CTNNA2: variants seen among roughly 807,000 people sequenced by gnomAD.
CTNNA2 encodes catenin alpha-2.
In CTNNA2, 42 loss-of-function variants were observed where a neutral mutation model predicts 101.0. That is an observed-to-expected ratio of 0.42 (90% confidence interval 0.32 to 0.54). The LOEUF (loss-of-function observed/expected upper bound fraction) is 0.54, where lower values mean the gene tolerates loss of function less well. CTNNA2 is among the 20% of genes least tolerant of loss of function. The probability of loss-of-function intolerance (pLI) is 0.14; values close to 1 mark genes in which losing one functional copy is unlikely to be tolerated. For missense variants in CTNNA2, 871 were observed against 1,223.1 expected, an observed-to-expected ratio of 0.71 and a Z score of 4.29; for synonymous variants, 450 against 456.4, an observed-to-expected ratio of 0.99 and a Z score of 0.18.
At chr2:79,612,750 C>G (rs1044073682) in intron 1 of CTNNA2, among the ~76,000 whole-genome samples, 1 of 151,918 alleles carries the variant, frequency 6.6e-6, no homozygotes, top group South Asian at 2.1e-4. Context: ...AGAAAAATTA[C>G]CTAGTAATGT....
chr2:80,058,743 C>T lies in CTNNA2; in HGVS notation c.1056+148946C>T, dbSNP rs149388412. On this transcript the variant is annotated intron_variant, in intron 7 of 18. Transcript: ENST00000402739. ...ATCTTCCAACTCAACTCTTTCATTG[C>T]GCAAATGCAACCGCAACCACAGAGG... 7.8e-3 allele frequency among the ~76,000 whole-genome samples: 1,187 copies of T among 152,124 alleles called. 12 individuals carry two copies. The highest frequency in any genetic ancestry group is 0.027 in the African/African-American group (1,124 of 41,474).
intron 7 of CTNNA2, among the ~76,000 whole-genome samples, chr2:80,263,616 G>A (rs771776454): frequency 1.3e-5 from 2 of 152,186 alleles, no homozygotes; most frequent in African/African-American, 4.8e-5. Flanking sequence ...GATTACAGGC[G>A]TGAGCCACTG....
intron 3 of CTNNA2, among the ~76,000 whole-genome samples, chr2:79,340,382 A>G (rs556992758): frequency 6.6e-6 from 1 of 152,334 alleles, no homozygotes; most frequent in Non-Finnish European, 1.5e-5. Context: ...ACCATAGACA[A>G]CAGAGGCTAT....
intron 7 of CTNNA2, among the ~76,000 whole-genome samples, chr2:80,343,407 TAAA>T (rs3040539): frequency 0.013 from 1,583 of 117,514 alleles, 10 homozygotes; most frequent in South Asian, 0.042. Context: ...TGACTTTTGA[TAAA>T]AAAAAAAAAA....
chr2:80,416,612 T>G (rs2149402340), intron 8 of CTNNA2, among the ~76,000 whole-genome samples: 1 of 152,206 alleles, frequency 6.6e-6, no homozygotes, highest in Admixed American at 6.5e-5. Flanking sequence ...ATACTTAAAA[T>G]ATTTTGGTGT....
intron 15 of CTNNA2, among the ~76,000 whole-genome samples, chr2:80,591,480 C>CTTTTTTTTTTTTTTTTAA: frequency 3.0e-5 from 1 of 33,542 alleles, no homozygotes; most frequent in African/African-American, 1.1e-4. Context: ...TTTTTTTTTG[C>CTTTTTTTTTTTTTTTTAA]AAACAGACAG....
At chr2:80,244,532 TAGACTC>T (rs572213030) in intron 7 of CTNNA2, among the ~76,000 whole-genome samples, 80 of 152,290 alleles carry the variant, frequency 5.3e-4, no homozygotes, top group Admixed American at 1.2e-3. Context: ...TGAAGTAACT[TAGACTC>T]AGATGGTCCA....
chr2:80,635,313 A>G (rs1672764006), intron 18 of CTNNA2, among the ~76,000 whole-genome samples: 1 of 152,154 alleles, frequency 6.6e-6, no homozygotes. Context: ...AAGAAGACAG[A>G]AAAAGTTCAA....
intron 4 of CTNNA2, among the ~76,000 whole-genome samples, chr2:79,471,013 A>C (rs559411989): frequency 6.6e-6 from 1 of 152,344 alleles, no homozygotes; most frequent in South Asian, 2.1e-4. Context: ...ATGATATCAC[A>C]GAATTTTGTT....
At chr2:80,389,527 C>T (rs927805472) in intron 7 of CTNNA2, among the ~76,000 whole-genome samples, 1 of 152,110 alleles carries the variant, frequency 6.6e-6, no homozygotes, top group African/African-American at 2.4e-5. Context: ...CTCTCTGTCT[C>T]ACTCTCAGTA....
At chr2:79,215,033 G>C (rs12475432) in intron 2 of CTNNA2, among the ~76,000 whole-genome samples, 112,729 of 151,704 alleles carry the variant, frequency 0.74, 42,357 homozygotes, top group East Asian at 0.83. Context: ...CTCGGCGTCC[G>C]TGATGGTCTA....
At chr2:79,303,078 G>C (rs938937204) in intron 2 of CTNNA2, among the ~76,000 whole-genome samples, 2 of 152,148 alleles carry the variant, frequency 1.3e-5, no homozygotes, top group African/African-American at 4.8e-5. Context: ...GACTGCAGGA[G>C]ACAGGCATTG....
intron 4 of CTNNA2, among the ~76,000 whole-genome samples, chr2:79,498,633 A>G (rs1194400426): frequency 6.6e-6 from 1 of 152,152 alleles, no homozygotes; most frequent in Non-Finnish European, 1.5e-5. Context: ...CATAACTTTC[A>G]TAATTACCCC....
chr2:79,999,349 C>T (rs1692769190), intron 7 of CTNNA2, among the ~76,000 whole-genome samples: 1 of 152,174 alleles, frequency 6.6e-6, no homozygotes. Context: ...TAGTTGTTTC[C>T]TTACAAAGCA....
chr2:79,510,536 T>C (rs1671513570), upstream of CTNNA2, among the ~76,000 whole-genome samples: 1 of 152,208 alleles, frequency 6.6e-6, no homozygotes, highest in Non-Finnish European at 1.5e-5. Context: ...GGTTCCCCTT[T>C]ATTCAAAACA....
intron 9 of CTNNA2, among the ~76,000 whole-genome samples, chr2:80,457,994 T>C (rs1684122705): frequency 6.6e-6 from 1 of 152,198 alleles, no homozygotes; most frequent in South Asian, 2.1e-4. Flanking sequence ...TCCTTCACCC[T>C]TGCTGCTTCC....
At chr2:80,015,630 C>T (rs372978362) in intron 7 of CTNNA2, among the ~76,000 whole-genome samples, 17 of 152,186 alleles carry the variant, frequency 1.1e-4, no homozygotes, top group East Asian at 5.8e-4. Flanking sequence ...CCCCCTCCAC[C>T]GGCTAGGTGA....
At chr2:80,137,735 T>TA (rs1491587506) in intron 7 of CTNNA2, among the ~76,000 whole-genome samples, 1 of 88,766 alleles carries the variant, frequency 1.1e-5, no homozygotes, top group African/African-American at 5.4e-5. Context: ...ATCTCCTGCC[T>TA]TTTTTTTTTT....
At chr2:80,518,225 C>A (rs146929469) in intron 9 of CTNNA2, among the ~76,000 whole-genome samples, 252 of 152,264 alleles carry the variant, frequency 1.7e-3, no homozygotes, top group African/African-American at 5.5e-3. Flanking sequence ...TAGTTAAAAG[C>A]AGAGTGAGCT....
Sources: allele counts gnomAD v4.1 joint callset (sites outside exome capture counted in the v4.1 genomes callset), GRCh38; gene constraint gnomAD v4.1.1; transcripts MANE v1.5; gene names NCBI Gene and HGNC (gene_info 2026-07-23, HGNC 2026-07-21).